Variants in PTPRC observed in about 807,000 individuals in gnomAD.
PTPRC encodes protein tyrosine phosphatase receptor type C, also known as receptor-type tyrosine-protein phosphatase C.
In PTPRC, 44 loss-of-function variants were observed where a neutral mutation model predicts 155.9. The observed-to-expected ratio is 0.28, with a 90% confidence interval of 0.22 to 0.36. PTPRC has a LOEUF of 0.36. Ranked by LOEUF, PTPRC falls within the 10% of genes least tolerant of loss-of-function variation. PTPRC has a pLI of 1.00. For missense variants in PTPRC, 1,401 were observed against 1,564.6 expected (o/e 0.90, Z 1.76); for synonymous variants, 525 against 533.1 (o/e 0.98, Z 0.21).
intron 15 of PTPRC, 150 bp from the exon 16 acceptor site, chr1:198,728,190 G>A: frequency 1.7e-6 from 1 of 583,870 alleles, no homozygotes; most frequent in East Asian, 3.2e-5. Context: ...GAAATTTATT[G>A]TATTTGACCT....
At chr1:198,670,918 A>G (rs74862109) in intron 2 of PTPRC, among the ~76,000 whole-genome samples, 6,751 of 152,266 alleles carry the variant, frequency 0.044, 208 homozygotes, top group East Asian at 0.13. Context: ...CAGTATAACA[A>G]CTATTTACAT....
intron 4 of PTPRC, among the ~76,000 whole-genome samples, 161 bp from the exon 5 acceptor site, chr1:198,699,403 C>T (rs1666354803): frequency 1.3e-5 from 2 of 152,196 alleles, no homozygotes; most frequent in Admixed American, 6.5e-5. Flanking sequence ...CTGTCACTTT[C>T]CAGCCAAGCA....
chr1:198,643,159 G>A (rs986118294), intron 2 of PTPRC, among the ~76,000 whole-genome samples: 4 of 151,246 alleles, frequency 2.6e-5, no homozygotes, highest in African/African-American at 7.3e-5. Context: ...ACCTTTTCTT[G>A]GCATTTTTCA....
intron 2 of PTPRC, among the ~76,000 whole-genome samples, chr1:198,646,011 A>G (rs1474162411): frequency 6.6e-6 from 1 of 151,810 alleles, no homozygotes; most frequent in Non-Finnish European, 1.5e-5. Flanking sequence ...GGTAGAAAAT[A>G]TACTGAACCC....
chr1:198,755,126 C>G (rs1164099166), intron 32 of PTPRC, among the ~76,000 whole-genome samples: 1 of 152,058 alleles, frequency 6.6e-6, no homozygotes, highest in Non-Finnish European at 1.5e-5. Context: ...AGTCATAAAG[C>G]CTGCCCAGAT....
chr1:198,707,989 T>C, intron 9 of PTPRC, 144 bp from the exon 10 acceptor site: 1 of 638,626 alleles, frequency 1.6e-6, no homozygotes, highest in African/African-American at 1.8e-5. Context: ...TATTAGACTT[T>C]TCCCATAGCA....
intron 2 of PTPRC, among the ~76,000 whole-genome samples, chr1:198,661,898 A>G (rs1282878756): frequency 6.6e-6 from 1 of 152,106 alleles, no homozygotes; most frequent in Non-Finnish European, 1.5e-5. Context: ...CTTCCCCACT[A>G]CCTACCTCCG....
intron 2 of PTPRC, among the ~76,000 whole-genome samples, chr1:198,651,140 A>T (rs1157457236): frequency 6.6e-6 from 1 of 151,906 alleles, no homozygotes; most frequent in Non-Finnish European, 1.5e-5. Context: ...TTTTAATAAA[A>T]ACTACAGAAT....
At position 198,693,776 on chromosome 1, in the gene PTPRC, A is replaced by G. The variant is rs74587159; in HGVS notation, c.100+1403A>G. ...ATTCTTATTTGTGAAAGGGAATGTG[A>G]ACTGAACTTAAGATGTGTGCAAAGA... On this transcript the variant is annotated intron_variant, in intron 3 of 32. Transcript: ENST00000442510. Among the ~76,000 whole-genome samples, 3,555 of 152,274 alleles carry G rather than the reference A, an allele frequency of 0.023. 131 individuals carry two copies. The highest frequency in any genetic ancestry group is 0.081 in the African/African-American group (3,363 of 41,518).
At position 198,732,330 on chromosome 1, in the gene PTPRC, A is replaced by G. The variant is rs779332137; in HGVS notation, c.2005A>G (p.Ile669Val). 3 of 1,612,496 alleles carry G rather than the reference A, an allele frequency of 1.9e-6. No homozygotes were observed. The highest frequency in any genetic ancestry group is 1.7e-5 in the Admixed American group (1 of 59,778). The change falls in exon 19 of 33, where the codon ATA (isoleucine) becomes GTA (valine). Residue 669 changes from isoleucine (I) to valine (V), a missense_variant. Transcript: ENST00000442510. ...SIPRVFSKFP[I>V]KEARKPFNQN... ...CCCGCGGGTGTTCAGCAAGTTTCCT[A>G]TAAAGGAAGCTCGAAAGCCCTTTAA...
intron 5 of PTPRC, 49 bp downstream of exon 5, chr1:198,699,753 T>C: frequency 6.2e-7 from 1 of 1,607,650 alleles, no homozygotes; most frequent in South Asian, 1.1e-5. Flanking sequence ...ACATGACGAC[T>C]ACCTGTATTT....
chr1:198,725,251 G>T (rs1037465313), intron 15 of PTPRC, among the ~76,000 whole-genome samples: 6 of 152,030 alleles, frequency 3.9e-5, no homozygotes, highest in African/African-American at 1.4e-4. Context: ...TATTATTTTG[G>T]CATTCCCCTT....
chr1:198,703,586 A>G lies in PTPRC; in HGVS notation c.658+214A>G, dbSNP rs1477230896. Reference sequence around the variant, plus strand: ...GATGTAATTGTTACTGTCATAATTCATCAGAAAGCATGTGTGAGAAACAAC... The same window carrying G: ...GATGTAATTGTTACTGTCATAATTCGTCAGAAAGCATGTGTGAGAAACAAC... On this transcript the variant is annotated intron_variant, in intron 7 of 32. Transcript: ENST00000442510. 5.6e-6 allele frequency: 4 copies of G among 714,324 alleles called. No homozygotes were observed. The African/African-American group carries it at 7.2e-5, about 13-fold the overall frequency. The allele number at this position is 714,324 out of a possible 1,614,324, so 44.2% of individuals were successfully genotyped here.
chr1:198,701,311 C>A (rs1666451327), intron 5 of PTPRC, among the ~76,000 whole-genome samples: 1 of 152,162 alleles, frequency 6.6e-6, no homozygotes, highest in Admixed American at 6.5e-5. Context: ...TAGACACCTG[C>A]AAGCTCAAAT....
intron 28 of PTPRC, 88 bp from the exon 29 acceptor site, chr1:198,750,404 A>C (rs746262003): frequency 7.2e-7 from 1 of 1,392,872 alleles, no homozygotes; most frequent in Non-Finnish European, 1.0e-6. Flanking sequence ...TTGATATCAA[A>C]CTGACTATAT....
chr1:198,699,886 T>G (rs1249723325), intron 5 of PTPRC, 182 bp downstream of exon 5: 10 of 767,134 alleles, frequency 1.3e-5, no homozygotes, highest in Non-Finnish European at 2.1e-5. Context: ...TTAACAGAGA[T>G]GAAATAATAG....
chr1:198,756,685 C>G lies in PTPRC; in HGVS notation c.*504C>G. On this transcript the variant is annotated 3_prime_UTR_variant, in exon 33 of 33. Coordinates refer to ENST00000442510, the MANE Select transcript of PTPRC (RefSeq NM_002838.5). The stretch of plus-strand genomic sequence containing the variant: ...TCCTCCTTGTTCTACTCATATATAT[C>G]TATCTTATATAGTTTACTATTTTAC... The G allele has an allele frequency of 6.2e-6, 1 of 160,858 alleles. No homozygotes were observed. The highest frequency in any genetic ancestry group is 1.4e-5 in the Non-Finnish European group (1 of 73,440). 10.0% of individuals were successfully genotyped at this position (160,858 alleles called of 1,614,324 possible).
Position 198,752,612 on chromosome 1 carries a change from G to C in PTPRC, c.3349G>C (p.Val1117Leu), listed in dbSNP as rs748041124. 4.4e-5 allele frequency: 71 copies of C among 1,612,388 alleles called. No homozygotes were observed. Among genetic ancestry groups the C allele is most frequent in the Non-Finnish European group, 5.4e-5 (64 of 1,179,102 alleles). ...ATTTTAGAGGAAAGACTCTCGAACT[G>C]TGTACCAGTACCAATATACAAACTG... is the stretch of plus-strand genomic sequence containing the variant. ...RHSKRKDSRT[V>L]YQYQYTNWSV... is the part of the protein sequence containing the mutation. The change falls in exon 31 of 33, where the codon GTG becomes CTG. Residue 1117 changes from valine (V) to leucine (L), a missense_variant. Physicochemically the swap from Val to Leu is conservative, Grantham distance 32. Transcript: ENST00000442510.
At chr1:198,731,869 T>G in intron 18 of PTPRC, 143 bp downstream of exon 18, 8 of 718,052 alleles carry the variant, frequency 1.1e-5, no homozygotes, top group East Asian at 5.5e-5. Context: ...AGCAGATCTC[T>G]ATGAACCAGA....
Sources: gnomAD v4.1 joint callset for allele counts (sites outside exome capture counted in the v4.1 genomes callset) on GRCh38, gnomAD v4.1.1 for gene constraint, MANE v1.5 for transcripts, NCBI Gene and HGNC (gene_info 2026-07-23, HGNC 2026-07-21) for gene names.